The following RMDN2 variants were observed in gnomAD, a reference collection of about 807,000 sequenced individuals.
RMDN2 encodes the protein regulator of microtubule dynamics 2, also known as regulator of microtubule dynamics protein 2.
A neutral mutation model predicts 52.8 loss-of-function variants in RMDN2; 61 were observed. The observed-to-expected ratio is 1.16, with a 90% CI of 0.94 to 1.43. The LOEUF (loss-of-function observed/expected upper bound fraction) is 1.43. RMDN2 is among the 40% of genes most tolerant of loss of function. RMDN2 has a pLI of 0.00. For synonymous variants in RMDN2, 180 were observed against 153.1 expected (o/e 1.18, Z -1.30); for missense variants, 592 against 475.3 (o/e 1.25, Z -2.28).
chr2:37,962,541 C>G (rs1363735288), intron 2 of RMDN2, among the ~76,000 whole-genome samples: 1 of 152,144 alleles, frequency 6.6e-6, no homozygotes, highest in Non-Finnish European at 1.5e-5. Flanking sequence ...CGCCCCTCCC[C>G]CACCAAGCTC....
intron 1 of RMDN2, among the ~76,000 whole-genome samples, chr2:37,926,199 A>G (rs1006605873): frequency 6.6e-6 from 1 of 152,184 alleles, no homozygotes; most frequent in South Asian, 2.1e-4. Flanking sequence ...TTCTCCTCTA[A>G]GGGTCTGCTG....
At chr2:37,993,331 C>G (rs1675070885) in intron 7 of RMDN2, among the ~76,000 whole-genome samples, 2 of 152,126 alleles carry the variant, frequency 1.3e-5, no homozygotes, top group Non-Finnish European at 2.9e-5. Context: ...AGTTGGAACT[C>G]TTTCCACCAG....
intron 5 of RMDN2, among the ~76,000 whole-genome samples, chr2:37,987,085 A>T (rs531315707): frequency 6.6e-6 from 1 of 152,274 alleles, no homozygotes; most frequent in East Asian, 1.9e-4. Context: ...AATCTAAAAA[A>T]AAAATCTCTT....
chr2:37,949,226 C>T (rs1668496246), intron 2 of RMDN2, among the ~76,000 whole-genome samples: 1 of 152,120 alleles, frequency 6.6e-6, no homozygotes, highest in South Asian at 2.1e-4. Context: ...AGGCCCTGAT[C>T]ATTCTTTATG....
chr2:37,972,190 AATATT>A (rs1168495801), intron 2 of RMDN2, among the ~76,000 whole-genome samples: 8 of 152,168 alleles, frequency 5.3e-5, no homozygotes, highest in Non-Finnish European at 1.2e-4. Context: ...TTCATATGTT[AATATT>A]ATATTCAGCC....
rs966410385 is a variant in RMDN2, at chr2:37,925,386, C to G, written c.-56C>G. On this transcript the variant is annotated 5_prime_UTR_variant, in exon 1 of 11. Coordinates refer to ENST00000354545, the MANE Select transcript of RMDN2 (RefSeq NM_001170791.3). Reference sequence around the variant, plus strand: ...ACTGCGCGCCAGCAGGTCCTGGTCTCCGCTCTCCAACAGCTGAAAGGCCGG... The same window carrying G: ...ACTGCGCGCCAGCAGGTCCTGGTCTGCGCTCTCCAACAGCTGAAAGGCCGG... The G allele has an allele frequency of 3.9e-5, 6 of 152,442 alleles. No homozygotes were observed. Among genetic ancestry groups the G allele is most frequent in the Admixed American group, 6.5e-5 (1 of 15,292 alleles). The allele number at this position is 152,442 out of a possible 1,614,324, so 9.4% of individuals were successfully genotyped here. A position where few individuals can be genotyped will look rare whatever the true frequency, so the allele number is the denominator to read the frequency against.
At chr2:37,947,070 T>G (rs1668280180) in intron 2 of RMDN2, among the ~76,000 whole-genome samples, 1 of 152,182 alleles carries the variant, frequency 6.6e-6, no homozygotes, top group Admixed American at 6.5e-5. Flanking sequence ...TTTTGATTTT[T>G]GTAGATTTAG....
intron 2 of RMDN2, among the ~76,000 whole-genome samples, chr2:37,936,158 C>T (rs1667269868): frequency 1.3e-5 from 2 of 152,122 alleles, no homozygotes; most frequent in African/African-American, 4.8e-5. Context: ...GTTTGGTTTT[C>T]TGTTCCTGTG....
intron 10 of RMDN2, among the ~76,000 whole-genome samples, chr2:38,005,271 C>A (rs1017609803): frequency 4.6e-5 from 7 of 152,208 alleles, no homozygotes; most frequent in Non-Finnish European, 1.0e-4. Context: ...CCTGAGGAAT[C>A]GCCACACTGA....
Position 37,929,094 on chromosome 2 carries a change from T to A in RMDN2, c.-16-168T>A, listed in dbSNP as rs1416415689. ...ATTCTTCATTGTAATCTAAGACTCT[T>A]ACAACAGTATACTTCCATTTGTCCT... On this transcript the variant is annotated intron_variant, in intron 1 of 10. Transcript: ENST00000354545. 3.3e-5 allele frequency among the ~76,000 whole-genome samples: 5 copies of A among 152,362 alleles called. No individual in the cohort carries two copies. In the East Asian group the frequency reaches 9.6e-4, roughly 29 times the overall value.
Position 37,962,436 on chromosome 2 carries a change from C to A in RMDN2, c.453-11604C>A, listed in dbSNP as rs553962943. The stretch of plus-strand genomic sequence containing the variant: ...AGGCAGTCTGGCTACATTGGCTTTG[C>A]TGCACTGCAGTGGGCTCCACCCAGT... On this transcript the variant is annotated intron_variant, in intron 2 of 10. Coordinates refer to ENST00000354545, the MANE Select transcript of RMDN2 (RefSeq NM_001170791.3). Among the ~76,000 whole-genome samples, 140 of 152,332 alleles carry A rather than the reference C, an allele frequency of 9.2e-4. 1 individual carries two copies. The highest frequency in any genetic ancestry group is 1.7e-3 in the Non-Finnish European group (114 of 68,032).
intron 5 of RMDN2, among the ~76,000 whole-genome samples, chr2:37,988,595 C>T (rs1043829133): frequency 5.3e-5 from 8 of 150,688 alleles, no homozygotes; most frequent in African/African-American, 1.5e-4. Context: ...TTTTTTTGTA[C>T]TTGGAAGTTA....
rs550410753 is a variant in RMDN2 at position 37,933,485 on chromosome 2, G to C, written c.452+3756G>C. ...ACTGCACCCCAGCCTGGGCACCATT[G>C]AGCACTGAGTGAACCAGACTCCGTC... On this transcript the variant is annotated intron_variant, in intron 2 of 10. Transcript: ENST00000354545. Among the ~76,000 whole-genome samples the C allele has an allele frequency of 2.0e-5, 3 of 152,392 alleles. No homozygotes were observed. In the South Asian group the frequency reaches 6.2e-4, roughly 32 times the overall value.
chr2:37,997,264 A>G (rs1254519315), intron 7 of RMDN2, 152 bp from the exon 8 acceptor site: 4 of 623,886 alleles, frequency 6.4e-6, no homozygotes, highest in Admixed American at 6.1e-5. Flanking sequence ...TCTAATATAT[A>G]TTATTTATGG....
upstream of RMDN2, among the ~76,000 whole-genome samples, chr2:37,922,204 G>C (rs748051790): frequency 6.6e-6 from 1 of 152,134 alleles, no homozygotes; most frequent in African/African-American, 2.4e-5. Context: ...TTGAAGCGGG[G>C]GTTGGGGATT....
chr2:38,032,556 C>T (rs548320159), intron 10 of RMDN2, among the ~76,000 whole-genome samples: 1 of 152,276 alleles, frequency 6.6e-6, no homozygotes, highest in African/African-American at 2.4e-5. Context: ...CATTCACTTA[C>T]AGGCTGGGCA....
At chr2:38,008,519 G>C (rs1240709441) in intron 10 of RMDN2, among the ~76,000 whole-genome samples, 1 of 152,044 alleles carries the variant, frequency 6.6e-6, no homozygotes, top group African/African-American at 2.4e-5. Flanking sequence ...TCAGAGACTG[G>C]GATTGCAACC....
At chr2:37,988,849 T>A (rs1674386392) in intron 5 of RMDN2, among the ~76,000 whole-genome samples, 1 of 152,188 alleles carries the variant, frequency 6.6e-6, no homozygotes, top group African/African-American at 2.4e-5. Flanking sequence ...GAACAAATAT[T>A]GCATGCAACT....
At chr2:37,969,893 C>T (rs1671566608) in intron 2 of RMDN2, among the ~76,000 whole-genome samples, 1 of 151,426 alleles carries the variant, frequency 6.6e-6, no homozygotes, top group Admixed American at 6.6e-5. Context: ...CTGCTTGCTT[C>T]CTTGCTTTCT....
Sources: gnomAD v4.1 joint callset for allele counts (sites outside exome capture counted in the v4.1 genomes callset) on GRCh38, gnomAD v4.1.1 for gene constraint, MANE v1.5 for transcripts, NCBI Gene and HGNC (gene_info 2026-07-23, HGNC 2026-07-21) for gene names.